ADAMTS18: variants seen among roughly 807,000 people sequenced by gnomAD.
The protein encoded by ADAMTS18 is A disintegrin and metalloproteinase with thrombospondin motifs 18.
In ADAMTS18, 157 loss-of-function variants were observed where a neutral mutation model predicts 165.9. That is an observed-to-expected ratio of 0.95 (90% CI 0.83 to 1.08). ADAMTS18 has a LOEUF of 1.08. ADAMTS18 is among the 50% of genes least tolerant of loss of function. The pLI is 0.00. For synonymous variants in ADAMTS18, 782 were observed against 578.2 expected (o/e 1.35, Z -5.06); for missense variants, 2,040 against 1,534.0 (o/e 1.33, Z -5.51).
At chr16:77,381,872 A>G (rs1003470803) in intron 3 of ADAMTS18, among the ~76,000 whole-genome samples, 10 of 152,160 alleles carry the variant, frequency 6.6e-5, no homozygotes, top group African/African-American at 2.4e-4. Flanking sequence ...GAAAAAAGAA[A>G]GTCCTGTGTT....
At position 77,296,747 on chromosome 16, in the gene ADAMTS18, T is replaced by C. The variant is rs79984854; in HGVS notation, c.2801+542A>G. 2.3e-3 allele frequency among the ~76,000 whole-genome samples: 347 copies of C among 152,086 alleles called. 2 individuals are homozygous for C. The highest frequency in any genetic ancestry group is 0.022 in the East Asian group (114 of 5,152). On this transcript the variant is annotated intron_variant, in intron 18 of 22. Transcript: ENST00000282849. ...AGGCACAATAATTGCTTGAATCCAGTAGGCAGAGGTGGCAGTGAGCTATCA... is the reference window on the plus strand; with the variant it reads ...AGGCACAATAATTGCTTGAATCCAGCAGGCAGAGGTGGCAGTGAGCTATCA...
chr16:77,377,259 G>A (rs936627121), intron 3 of ADAMTS18, among the ~76,000 whole-genome samples: 1 of 152,190 alleles, frequency 6.6e-6, no homozygotes, highest in African/African-American at 2.4e-5. Context: ...GAAAAAGGGA[G>A]ACTGCAGCCT....
At chr16:77,358,724 T>C (rs146447714) in intron 8 of ADAMTS18, among the ~76,000 whole-genome samples, 82 of 152,274 alleles carry the variant, frequency 5.4e-4, no homozygotes, top group Non-Finnish European at 9.3e-4. Flanking sequence ...CACACAAACA[T>C]CCTAAACTGG....
At chr16:77,322,205 A>G in intron 14 of ADAMTS18, 131 bp downstream of exon 14, 3 of 967,240 alleles carry the variant, frequency 3.1e-6, no homozygotes, top group Non-Finnish European at 3.2e-6. Context: ...CCAGTGAAAC[A>G]CTTTGCTCTT....
chr16:77,310,578 T>A (rs2055761960), intron 16 of ADAMTS18, among the ~76,000 whole-genome samples: 1 of 152,188 alleles, frequency 6.6e-6, no homozygotes, highest in Non-Finnish European at 1.5e-5. Context: ...TTTTTTACAT[T>A]ATTTAAAGAC....
chr16:77,355,271 T>C (rs2056612584), intron 9 of ADAMTS18, among the ~76,000 whole-genome samples: 3 of 151,254 alleles, frequency 2.0e-5, no homozygotes, highest in African/African-American at 4.9e-5. Context: ...ATGAATTAAA[T>C]AGTACAACTT....
intron 12 of ADAMTS18, among the ~76,000 whole-genome samples, chr16:77,332,755 G>C (rs1221258119): frequency 6.6e-6 from 1 of 152,160 alleles, no homozygotes; most frequent in African/African-American, 2.4e-5. Context: ...ACTCCAGTAT[G>C]ACCAGACCAA....
chr16:77,297,303 G>C lies in ADAMTS18; in HGVS notation c.2787C>G (p.Phe929Leu). The C allele has an allele frequency of 6.2e-7, 1 of 1,614,180 alleles. No homozygotes were observed. Among genetic ancestry groups the C allele is most frequent in the Non-Finnish European group, 8.5e-7 (1 of 1,180,028 alleles). The change falls in exon 18 of 23, where the codon TTC (phenylalanine) becomes TTG (leucine). Residue 929 changes from phenylalanine to leucine, a missense_variant. By Grantham distance (22) the Phe-to-Leu change is conservative. Transcript: ENST00000282849. Reference protein sequence around the residue: ...PVTEPKICNAFSCPAYWMPGE... With the variant: ...PVTEPKICNALSCPAYWMPGE... ...AAATGACTTACTAAGCCGGGCAGGA[G>C]AAAGCGTTGCAGATTTTGGGCTCAG...
At chr16:77,378,491 G>A (rs1440196564) in intron 3 of ADAMTS18, among the ~76,000 whole-genome samples, 1 of 152,110 alleles carries the variant, frequency 6.6e-6, no homozygotes, top group Non-Finnish European at 1.5e-5. Flanking sequence ...GAGGCAGGTG[G>A]ATCACTTGAT....
At chr16:77,372,710 C>G (rs2056893738) in intron 3 of ADAMTS18, among the ~76,000 whole-genome samples, 1 of 152,132 alleles carries the variant, frequency 6.6e-6, no homozygotes, top group Admixed American at 6.5e-5. Context: ...CGAGAAATCC[C>G]AGCCATCATA....
intron 2 of ADAMTS18, among the ~76,000 whole-genome samples, chr16:77,432,033 C>T (rs2057746543): frequency 6.6e-6 from 1 of 152,104 alleles, no homozygotes; most frequent in South Asian, 2.1e-4. Flanking sequence ...GAAATTTCTT[C>T]AAGGAGGTTA....
chr16:77,364,843 C>T (rs559424931), intron 4 of ADAMTS18, among the ~76,000 whole-genome samples: 37 of 151,976 alleles, frequency 2.4e-4, no homozygotes, highest in East Asian at 1.5e-3. Flanking sequence ...TGGTGGCTCA[C>T]GCCCGTAATC....
chr16:77,398,109 G>A (rs940914062), intron 3 of ADAMTS18, among the ~76,000 whole-genome samples: 1 of 152,126 alleles, frequency 6.6e-6, no homozygotes, highest in Non-Finnish European at 1.5e-5. Context: ...CTGAGGTTAG[G>A]AGTTCAAGAC....
intron 3 of ADAMTS18, among the ~76,000 whole-genome samples, chr16:77,428,014 T>C (rs902652950): frequency 5.9e-5 from 9 of 152,212 alleles, no homozygotes; most frequent in African/African-American, 1.7e-4. Context: ...TAGATTCCTA[T>C]TAGTACTTTG....
intron 3 of ADAMTS18, among the ~76,000 whole-genome samples, chr16:77,387,357 T>C (rs1033379730): frequency 6.6e-6 from 1 of 152,198 alleles, no homozygotes; most frequent in African/African-American, 2.4e-5. Flanking sequence ...AAATTTAAGA[T>C]GGCTCAGGTC....
chr16:77,338,696 G>A (rs1401170728), intron 11 of ADAMTS18, among the ~76,000 whole-genome samples: 2 of 151,960 alleles, frequency 1.3e-5, no homozygotes, highest in Non-Finnish European at 2.9e-5. Flanking sequence ...GCTCAGGCCT[G>A]TAATCCCAGC....
intron 22 of ADAMTS18, among the ~76,000 whole-genome samples, chr16:77,285,209 G>A (rs1299393030): frequency 2.0e-5 from 3 of 152,142 alleles, no homozygotes; most frequent in African/African-American, 4.8e-5. Flanking sequence ...TTTTGCTCTT[G>A]TTGCCCAGGC....
chr16:77,303,159 C>T (rs1348395645), intron 16 of ADAMTS18, among the ~76,000 whole-genome samples: 1 of 152,130 alleles, frequency 6.6e-6, no homozygotes, highest in Non-Finnish European at 1.5e-5. Context: ...CTCCCCTCAT[C>T]TCCACCAGGA....
intron 10 of ADAMTS18, among the ~76,000 whole-genome samples, chr16:77,344,155 G>GTATATATATATATATA (rs150411045): frequency 7.1e-6 from 1 of 140,260 alleles, no homozygotes; most frequent in Non-Finnish European, 1.5e-5. Context: ...ATGTGTGTGT[G>GTATATATATATATATA]TATATATATA....
Sources: gnomAD v4.1 joint callset for allele counts (sites outside exome capture counted in the v4.1 genomes callset) on GRCh38, gnomAD v4.1.1 for gene constraint, MANE v1.5 for transcripts, NCBI Gene and HGNC (gene_info 2026-07-23, HGNC 2026-07-21) for gene names.